Variants in ZRANB3 observed in about 807,000 individuals in gnomAD.
ZRANB3 encodes the protein DNA annealing helicase and endonuclease ZRANB3.
Under a neutral mutation model 133.8 loss-of-function variants are expected in ZRANB3, and 125 were observed. The observed-to-expected ratio is 0.93, with a 90% CI of 0.81 to 1.08. The LOEUF (loss-of-function observed/expected upper bound fraction) is 1.08. Among genes scored for constraint, ZRANB3 ranks in the 50% least tolerant of loss-of-function variants. ZRANB3 has a pLI of 0.00. For synonymous variants in ZRANB3, 387 were observed against 432.7 expected (o/e 0.89, Z 1.31); for missense variants, 1,229 against 1,275.5 (o/e 0.96, Z 0.56).
chr2:135,421,352 T>C (rs1293042753), intron 2 of ZRANB3, among the ~76,000 whole-genome samples: 1 of 152,174 alleles, frequency 6.6e-6, no homozygotes, highest in Non-Finnish European at 1.5e-5. Flanking sequence ...AGATCCTATT[T>C]GACATTTTCC....
chr2:135,515,067 T>C (rs1693644915), intron 1 of ZRANB3, among the ~76,000 whole-genome samples: 1 of 152,186 alleles, frequency 6.6e-6, no homozygotes, highest in South Asian at 2.1e-4. Context: ...TTCGTATCGA[T>C]GTTCATCAGA....
intron 6 of ZRANB3, among the ~76,000 whole-genome samples, chr2:135,341,117 C>T (rs563350752): frequency 6.7e-6 from 1 of 149,796 alleles, no homozygotes; most frequent in African/African-American, 2.6e-5. Context: ...AGCTCCACCT[C>T]CCGGGTTCAC....
rs752976688 is a variant in ZRANB3 at position 135,199,981 on chromosome 2, A to C, written c.*361T>G. The C allele has an allele frequency of 3.2e-6, 1 of 315,798 alleles. No homozygotes were observed. Among genetic ancestry groups the C allele is most frequent in the Non-Finnish European group, 6.1e-6 (1 of 163,546 alleles). The allele number at this position is 315,798 out of a possible 1,614,324, so 19.6% of individuals were successfully genotyped here. A position where few individuals can be genotyped will look rare whatever the true frequency, so the allele number is the denominator to read the frequency against. ...CCACTCATACCTATGACAGTCCAGA[A>C]CAATACTAATCCAGAAGCATTTTTA... On this transcript the variant is annotated 3_prime_UTR_variant, in exon 21 of 21. Transcript: ENST00000264159.
At chr2:135,430,295 C>T (rs958905744) in intron 2 of ZRANB3, among the ~76,000 whole-genome samples, 9 of 151,862 alleles carry the variant, frequency 5.9e-5, no homozygotes, top group Non-Finnish European at 1.2e-4. Flanking sequence ...ATGATATGAT[C>T]GCAGGAACTA....
chr2:135,494,443 A>G (rs1692575263), intron 2 of ZRANB3, among the ~76,000 whole-genome samples: 1 of 152,158 alleles, frequency 6.6e-6, no homozygotes, highest in Admixed American at 6.5e-5. Flanking sequence ...CCAATTAATA[A>G]ATCATTTTAC....
intron 8 of ZRANB3, 120 bp from the exon 9 acceptor site, chr2:135,275,875 T>C (rs1379724497): frequency 1.8e-5 from 14 of 768,146 alleles, no homozygotes; most frequent in East Asian, 6.5e-5. Context: ...TTTAGCTGCA[T>C]TGTTCTCTAG....
At chr2:135,430,842 A>G (rs1689289941) in intron 2 of ZRANB3, among the ~76,000 whole-genome samples, 1 of 152,216 alleles carries the variant, frequency 6.6e-6, no homozygotes, top group Non-Finnish European at 1.5e-5. Context: ...AAACGGTGAC[A>G]GAATAACTGG....
intron 12 of ZRANB3, among the ~76,000 whole-genome samples, chr2:135,236,490 A>T (rs1350922119): frequency 6.6e-6 from 1 of 152,186 alleles, no homozygotes; most frequent in Non-Finnish European, 1.5e-5. Context: ...AGTCAATCCT[A>T]AGCCAAAAGA....
intron 2 of ZRANB3, among the ~76,000 whole-genome samples, chr2:135,421,484 A>G (rs1398716687): frequency 6.6e-6 from 1 of 152,188 alleles, no homozygotes; most frequent in Non-Finnish European, 1.5e-5. Flanking sequence ...AGTAAAAAGT[A>G]TTATTAGCCA....
chr2:135,294,878 T>C (rs1196312492), intron 8 of ZRANB3, among the ~76,000 whole-genome samples: 1 of 152,180 alleles, frequency 6.6e-6, no homozygotes, highest in Non-Finnish European at 1.5e-5. Context: ...CAGGAGCAGG[T>C]TGTTCAGTTT....
rs1205770199 is a variant in ZRANB3 at position 135,208,961 on chromosome 2, T to C, written c.2513A>G (p.Asp838Gly). Residue 838 changes from aspartate (D) to glycine (G), a missense_variant, in exon 18 of 21, where the codon GAT (aspartate) becomes GGT (glycine). Physicochemically the swap from Asp to Gly is moderately conservative, Grantham distance 94 (BLOSUM62 -1). Coordinates refer to ENST00000264159, the MANE Select transcript of ZRANB3 (RefSeq NM_032143.4). ...TTTGTCCATTGAGGCTACGGCAACATCTTCTTTGGTTATGTATCTAAAACA... is the reference window on the plus strand; with the variant it reads ...TTTGTCCATTGAGGCTACGGCAACACCTTCTTTGGTTATGTATCTAAAACA... ...NCTKRYITKE[D>G]VAVASMDKVK... 5.6e-6 allele frequency: 9 copies of C among 1,613,952 alleles called. No homozygotes were observed. Among genetic ancestry groups the C allele is most frequent in the Middle Eastern group, 3.3e-4 (2 of 6,060 alleles).
chr2:135,447,138 G>C (rs1034975893), intron 2 of ZRANB3, among the ~76,000 whole-genome samples: 1 of 151,974 alleles, frequency 6.6e-6, no homozygotes, highest in Admixed American at 6.6e-5. Flanking sequence ...TCCACCTCCC[G>C]GGTTCAAATG....
intron 2 of ZRANB3, among the ~76,000 whole-genome samples, chr2:135,450,723 A>G (rs1433571837): frequency 6.6e-6 from 1 of 152,236 alleles, no homozygotes; most frequent in Non-Finnish European, 1.5e-5. Flanking sequence ...GACAGAAATC[A>G]AAAGACGTTA....
intron 3 of ZRANB3, among the ~76,000 whole-genome samples, chr2:135,368,149 A>G (rs940972954): frequency 6.6e-6 from 1 of 152,082 alleles, no homozygotes; most frequent in Non-Finnish European, 1.5e-5. Context: ...ATTAAATATT[A>G]TTCATGTCAA....
At chr2:135,324,078 A>AT (rs960225691) in intron 6 of ZRANB3, among the ~76,000 whole-genome samples, 18 of 150,828 alleles carry the variant, frequency 1.2e-4, no homozygotes, top group Non-Finnish European at 1.9e-4. Context: ...CCTCATCTTG[A>AT]TTTTTTTTTA....
intron 6 of ZRANB3, among the ~76,000 whole-genome samples, chr2:135,327,150 A>G (rs1166473794): frequency 6.6e-6 from 1 of 152,094 alleles, no homozygotes; most frequent in Non-Finnish European, 1.5e-5. Flanking sequence ...TCCATAATAA[A>G]ATATTTAAAA....
chr2:135,243,124 C>G (rs1423007149), intron 12 of ZRANB3, among the ~76,000 whole-genome samples: 1 of 152,244 alleles, frequency 6.6e-6, no homozygotes, highest in Non-Finnish European at 1.5e-5. Context: ...ATCACAGACT[C>G]TTTTATGATC....
intron 12 of ZRANB3, among the ~76,000 whole-genome samples, chr2:135,260,703 ATAT>A (rs1218359470): frequency 2.1e-5 from 3 of 146,186 alleles, no homozygotes; most frequent in East Asian, 2.0e-4. Flanking sequence ...ATACTTGAAT[ATAT>A]TATTGACTAT....
At chr2:135,507,722 T>C (rs907242033) in intron 1 of ZRANB3, among the ~76,000 whole-genome samples, 10 of 150,920 alleles carry the variant, frequency 6.6e-5, no homozygotes, top group African/African-American at 2.2e-4. Flanking sequence ...CTTTGGGAGG[T>C]TGAGGCAGAA....
Sources: allele counts gnomAD v4.1 joint callset (sites outside exome capture counted in the v4.1 genomes callset), GRCh38; gene constraint gnomAD v4.1.1; transcripts MANE v1.5; gene names NCBI Gene and HGNC (gene_info 2026-07-23, HGNC 2026-07-21).